MILR1: variants seen among roughly 807,000 people sequenced by gnomAD.
MILR1 encodes allergin-1.
Under a neutral mutation model 18.5 loss-of-function variants are expected in MILR1, and 31 were observed. The ratio of observed to expected loss-of-function variants is 1.68; its 90% CI spans 1.26 to 2.26. The LOEUF (loss-of-function observed/expected upper bound fraction) is 2.26. Ranked by LOEUF, MILR1 falls within the 30% of genes most tolerant of loss-of-function variation. The probability of loss-of-function intolerance (pLI) is 0.00; values close to 1 mark genes in which losing one functional copy is unlikely to be tolerated. For missense variants in MILR1, 257 were observed against 157.4 expected, an observed-to-expected ratio of 1.63 and a Z score of -3.38; for synonymous variants, 85 against 56.2, an observed-to-expected ratio of 1.51 and a Z score of -2.30.
chr17:64,480,518 T>C, the MILR1 span: 1 of 531,192 alleles, frequency 1.9e-6, no homozygotes, highest in African/African-American at 1.9e-5. Context: ...AATTATGTGA[T>C]GTTAATGTTT....
In MILR1 at chr17:64,458,194, T is replaced by TTCTTTCC. The variant is rs1598094369; in HGVS notation, c.652+511_652+512insCTTTCCT. Among the ~76,000 whole-genome samples the TTCTTTCC allele has an allele frequency of 4.1e-5, 6 of 145,710 alleles. No individual in the cohort carries two copies. The East Asian group carries it at 1.2e-3, about 29-fold the overall frequency. On this transcript the variant is annotated intron_variant, in intron 4 of 9. Transcript: ENST00000619286. The stretch of plus-strand genomic sequence containing the variant: ...CCTTCCCTCCTTCCTTCCTTCCTTC[T>TTCTTTCC]TTCCTTCCTTCCTTCCTTCTTTCTT...
chr17:64,462,034 C>T (rs1463123603), intron 5 of MILR1, among the ~76,000 whole-genome samples: 1 of 152,128 alleles, frequency 6.6e-6, no homozygotes, highest in African/African-American at 2.4e-5. Context: ...GGGTTGCTTC[C>T]ACCTTTTGTC....
chr17:64,484,960 A>C, the MILR1 span, among the ~76,000 whole-genome samples: 2 of 151,900 alleles, frequency 1.3e-5, no homozygotes, highest in Non-Finnish European at 2.9e-5. Context: ...TTAAACCCCC[A>C]CTCTTCCACA....
chr17:64,492,642 A>T, the MILR1 span: 1 of 1,349,886 alleles, frequency 7.4e-7, no homozygotes, highest in South Asian at 1.2e-5. Context: ...ATTAACTATT[A>T]AATTAAAGGT....
intron 4 of MILR1, among the ~76,000 whole-genome samples, chr17:64,460,129 G>A (rs1467007119): frequency 6.6e-5 from 10 of 151,520 alleles, no homozygotes; most frequent in African/African-American, 1.2e-4. Context: ...GGGTTCAAGC[G>A]ATTCTCATGC....
intron 3 of MILR1, among the ~76,000 whole-genome samples, chr17:64,453,897 T>C (rs1158065128): frequency 2.0e-5 from 3 of 152,222 alleles, no homozygotes; most frequent in East Asian, 3.9e-4. Flanking sequence ...ACGGTACTGT[T>C]TAAACTTATT....
At chr17:64,461,023 A>T (rs1187451720) in intron 5 of MILR1, 91 bp downstream of exon 5, 6 of 448,876 alleles carry the variant, frequency 1.3e-5, no homozygotes, top group East Asian at 1.3e-4. Flanking sequence ...AGAAAAGGGG[A>T]TTGGAAATAG....
the MILR1 span, chr17:64,481,520 C>A: frequency 3.9e-6 from 2 of 506,572 alleles, no homozygotes; most frequent in East Asian, 3.0e-4. Flanking sequence ...TTAGAAAAAT[C>A]AAAATAAAAT....
At chr17:64,467,935 CAAAAAAAAAAAAA>C (rs112297771) in intron 9 of MILR1, 98 of 158,734 alleles carry the variant, frequency 6.2e-4, no homozygotes, top group South Asian at 2.1e-3. Context: ...GACTTCATCT[CAAAAAAAAAAAAA>C]AAAAAAAAAA....
intron 5 of MILR1, among the ~76,000 whole-genome samples, chr17:64,461,705 T>G (rs1443792378): frequency 4.6e-5 from 7 of 152,106 alleles, no homozygotes; most frequent in African/African-American, 1.7e-4. Flanking sequence ...TTCTCCACCA[T>G]CCATGTCCAG....
chr17:64,463,065 A>G (rs1440382853), intron 5 of MILR1, among the ~76,000 whole-genome samples: 1 of 152,202 alleles, frequency 6.6e-6, no homozygotes, highest in Admixed American at 6.5e-5. Context: ...ACCAGACTCA[A>G]AAAAACAAAA....
rs1342154346 is a variant in MILR1, at chr17:64,449,365, A to G, written c.97+10A>G. The G allele has an allele frequency of 2.4e-5, 11 of 466,186 alleles. No individual in the cohort carries two copies. In the Admixed American group the frequency reaches 3.0e-4, roughly 13 times the overall value. The allele number at this position is 466,186 out of a possible 1,614,324, so 28.9% of individuals were successfully genotyped here. A position where few individuals can be genotyped will look rare whatever the true frequency, so the allele number is the denominator to read the frequency against. On this transcript the variant is annotated intron_variant, in intron 2 of 9. Coordinates refer to ENST00000619286, the MANE Select transcript of MILR1 (RefSeq NM_001085423.2). The stretch of plus-strand genomic sequence containing the variant: ...GCAATGAAAACAAATGGTAAGTTTC[A>G]TTTACTTCTTTCTTATTGAAACCAT...
chr17:64,464,035 G>A (rs1408410035), intron 5 of MILR1, among the ~76,000 whole-genome samples: 2 of 151,488 alleles, frequency 1.3e-5, no homozygotes, highest in Admixed American at 1.3e-4. Flanking sequence ...TGTTGGCCAG[G>A]CTGGTCTTGA....
At chr17:64,454,668 G>T (rs914545901) in intron 3 of MILR1, among the ~76,000 whole-genome samples, 1 of 152,156 alleles carries the variant, frequency 6.6e-6, no homozygotes, top group Non-Finnish European at 1.5e-5. Context: ...TCTGCATAAG[G>T]TTTTAGAGAA....
chr17:64,481,064 T>C, the MILR1 span, among the ~76,000 whole-genome samples: 1 of 152,192 alleles, frequency 6.6e-6, no homozygotes, highest in Admixed American at 6.5e-5. Flanking sequence ...AGAGCAGGGT[T>C]CCTCACCCTT....
At chr17:64,484,700 CTTTT>C in the MILR1 span, among the ~76,000 whole-genome samples, 1 of 152,080 alleles carries the variant, frequency 6.6e-6, no homozygotes, top group African/African-American at 2.4e-5. Context: ...GAAAGGATTC[CTTTT>C]TTTGTTAGCT....
downstream of MILR1, among the ~76,000 whole-genome samples, chr17:64,469,016 G>A (rs1460023935): frequency 2.0e-5 from 3 of 152,058 alleles, no homozygotes; most frequent in Admixed American, 6.5e-5. Context: ...AAATCTGGTA[G>A]GCAGAGGTTG....
intron 4 of MILR1, 31 bp downstream of exon 4, chr17:64,457,715 T>A (rs1403654659): frequency 1.7e-5 from 8 of 470,608 alleles, no homozygotes; most frequent in African/African-American, 7.9e-5. Context: ...TTCAGCCAGG[T>A]CTGAACTCAC....
At chr17:64,493,667 T>C in the MILR1 span, among the ~76,000 whole-genome samples, 2 of 151,948 alleles carry the variant, frequency 1.3e-5, no homozygotes, top group African/African-American at 4.8e-5. Context: ...TCTGTATTTT[T>C]AGTAGAGACG....
Sources: allele counts gnomAD v4.1 joint callset (sites outside exome capture counted in the v4.1 genomes callset), GRCh38; gene constraint gnomAD v4.1.1; transcripts MANE v1.5; gene names NCBI Gene and HGNC (gene_info 2026-07-23, HGNC 2026-07-21).